STAU2: variants seen among roughly 807,000 people sequenced by gnomAD.
STAU2 encodes staufen double-stranded RNA binding protein 2.
A neutral mutation model predicts 65.9 loss-of-function variants in STAU2; 20 were observed. The observed-to-expected ratio is 0.30, with a 90% CI of 0.21 to 0.44. STAU2 has a LOEUF of 0.44. Ranked by LOEUF, STAU2 falls within the 20% of genes least tolerant of loss-of-function variation. STAU2 has a pLI of 1.00. For synonymous variants in STAU2, 232 were observed against 233.9 expected, an observed-to-expected ratio of 0.99 and a Z score of 0.07; for missense variants, 558 against 683.9, an observed-to-expected ratio of 0.82 and a Z score of 2.05.
chr8:73,500,648 C>G (rs948149844), intron 13 of STAU2, among the ~76,000 whole-genome samples: 1 of 151,722 alleles, frequency 6.6e-6, no homozygotes, highest in Non-Finnish European at 1.5e-5. Flanking sequence ...AGAAAATTAA[C>G]CATATGATCT....
chr8:73,534,968 T>A (rs1402965653), intron 13 of STAU2, among the ~76,000 whole-genome samples: 1 of 152,246 alleles, frequency 6.6e-6, no homozygotes, highest in African/African-American at 2.4e-5. Flanking sequence ...AAAAATCCTA[T>A]GTTTTAGATA....
intron 13 of STAU2, among the ~76,000 whole-genome samples, chr8:73,429,413 C>CTTTTTTTTTTTTTTTTTTTT (rs71561522): frequency 1.5e-5 from 1 of 65,312 alleles, no homozygotes; most frequent in Non-Finnish European, 3.5e-5. Flanking sequence ...TTGCTCAGGT[C>CTTTTTTTTTTTTTTTTTTTT]TTTTTTTTTT....
At chr8:73,689,611 A>T (rs1819186215) in intron 4 of STAU2, among the ~76,000 whole-genome samples, 2 of 152,162 alleles carry the variant, frequency 1.3e-5, no homozygotes, top group Admixed American at 1.3e-4. Flanking sequence ...TTTCCATATG[A>T]GCCCCCAAAC....
In STAU2 at chr8:73,680,877, A is replaced by G. The variant is rs544226909; in HGVS notation, c.275-7635T>C. ...GCAGAAGAAAGAACTTCAGAGCTCA[A>G]AGACAAGGCCTAATCAAATTAACCC... On this transcript the variant is annotated intron_variant, in intron 5 of 14. Transcript: ENST00000524300. Among the ~76,000 whole-genome samples, 3 of 152,112 alleles carry G rather than the reference A, an allele frequency of 2.0e-5. No individual in the cohort carries two copies. In the East Asian group the frequency reaches 5.8e-4, roughly 29 times the overall value.
chr8:73,646,736 A>G (rs1815401388), intron 6 of STAU2, among the ~76,000 whole-genome samples: 1 of 152,160 alleles, frequency 6.6e-6, no homozygotes, highest in South Asian at 2.1e-4. Flanking sequence ...TCAAAATAAA[A>G]AACTTCTGCT....
At chr8:73,576,983 A>G (rs1288626086) in intron 12 of STAU2, among the ~76,000 whole-genome samples, 1 of 152,236 alleles carries the variant, frequency 6.6e-6, no homozygotes, top group Non-Finnish European at 1.5e-5. Context: ...TAGACCTCTT[A>G]GAATACACAG....
chr8:73,597,316 A>T (rs2129641285), intron 10 of STAU2, among the ~76,000 whole-genome samples: 1 of 152,154 alleles, frequency 6.6e-6, no homozygotes, highest in Admixed American at 6.5e-5. Flanking sequence ...TGAAATAATT[A>T]AAAAGGGAGA....
In STAU2 at chr8:73,680,650, C is replaced by T. The variant is rs1390790727; in HGVS notation, c.275-7408G>A. Among the ~76,000 whole-genome samples, 9 of 151,864 alleles carry T rather than the reference C, an allele frequency of 5.9e-5. No individual in the cohort carries two copies. The South Asian group carries it at 6.2e-4, about 11-fold the overall frequency. ...TTACCAGAAAAAGAATTCAGTAGGTCGGTTATTAAGCAGCTCAAGGAGGCA... is the reference window on the plus strand; with the variant it reads ...TTACCAGAAAAAGAATTCAGTAGGTTGGTTATTAAGCAGCTCAAGGAGGCA... On this transcript the variant is annotated intron_variant, in intron 5 of 14. Transcript: ENST00000524300.
At chr8:73,542,031 T>C in intron 13 of STAU2, among the ~76,000 whole-genome samples, 1 of 151,794 alleles carries the variant, frequency 6.6e-6, no homozygotes, top group Non-Finnish European at 1.5e-5. Flanking sequence ...AAAATAGTGG[T>C]CCAAAACATT....
At chr8:73,474,822 C>T (rs1162575378) in intron 13 of STAU2, among the ~76,000 whole-genome samples, 5 of 152,234 alleles carry the variant, frequency 3.3e-5, no homozygotes, top group Non-Finnish European at 4.4e-5. Flanking sequence ...TGGGTACACA[C>T]GTTCACCAAA....
intron 13 of STAU2, among the ~76,000 whole-genome samples, chr8:73,545,632 A>G (rs1413091615): frequency 7.0e-6 from 1 of 142,590 alleles, no homozygotes; most frequent in African/African-American, 2.7e-5. Flanking sequence ...AGGAGTCAGA[A>G]TTCTTTTTTT....
intron 13 of STAU2, among the ~76,000 whole-genome samples, chr8:73,529,804 AC>A (rs1180022321): frequency 3.3e-5 from 5 of 152,236 alleles, no homozygotes; most frequent in African/African-American, 7.2e-5. Context: ...CAAAGATGTC[AC>A]AGCACCCAAT....
At chr8:73,649,388 T>C (rs891904188) in intron 6 of STAU2, among the ~76,000 whole-genome samples, 1 of 152,132 alleles carries the variant, frequency 6.6e-6, no homozygotes, top group Non-Finnish European at 1.5e-5. Flanking sequence ...CCATTACCCC[T>C]TTCTCAACAC....
intron 13 of STAU2, among the ~76,000 whole-genome samples, chr8:73,431,622 C>A (rs1226904080): frequency 1.3e-5 from 2 of 152,206 alleles, no homozygotes; most frequent in Non-Finnish European, 2.9e-5. Context: ...TAAAGCCCCA[C>A]AGGTTTTAGA....
intron 13 of STAU2, among the ~76,000 whole-genome samples, chr8:73,493,987 A>T (rs1248506141): frequency 6.6e-6 from 1 of 151,826 alleles, no homozygotes; most frequent in African/African-American, 2.4e-5. Context: ...CATTTCATTT[A>T]CATAAGGGCT....
intron 12 of STAU2, among the ~76,000 whole-genome samples, chr8:73,568,237 C>T (rs574372120): frequency 1.9e-3 from 284 of 152,264 alleles, no homozygotes; most frequent in South Asian, 5.4e-3. Context: ...GATTACAGAC[C>T]AAGTACATCT....
At chr8:73,555,437 T>A (rs920643623) in intron 12 of STAU2, among the ~76,000 whole-genome samples, 3 of 152,238 alleles carry the variant, frequency 2.0e-5, no homozygotes, top group Middle Eastern at 3.4e-3. Flanking sequence ...TAAGTTTTTT[T>A]AAAAACACTT....
chr8:73,653,475 G>C (rs1340923874), intron 6 of STAU2: 1 of 152,352 alleles, frequency 6.6e-6, no homozygotes, highest in Non-Finnish European at 1.5e-5. Context: ...TCCTTAAGGA[G>C]TGTGGTTAAC....
intron 9 of STAU2, 28 bp from the exon 10 acceptor site, chr8:73,603,891 A>G (rs201574493): frequency 6.3e-7 from 1 of 1,578,462 alleles, no homozygotes; most frequent in African/African-American, 1.4e-5. Flanking sequence ...AAAAAGTTTT[A>G]AAATATGCTT....
Sources: gnomAD v4.1 joint callset for allele counts (sites outside exome capture counted in the v4.1 genomes callset) on GRCh38, gnomAD v4.1.1 for gene constraint, MANE v1.5 for transcripts, NCBI Gene and HGNC (gene_info 2026-07-23, HGNC 2026-07-21) for gene names.